Variants in INSR observed in about 807,000 individuals in gnomAD.
INSR encodes the protein IR.
In INSR, 67 loss-of-function variants were observed where a neutral mutation model predicts 142.6. The ratio of observed to expected loss-of-function variants is 0.47; its 90% confidence interval spans 0.39 to 0.58. INSR has a LOEUF of 0.58. Ranked by LOEUF, INSR falls within the 20% of genes least tolerant of loss-of-function variation. INSR has a pLI of 0.00. For synonymous variants in INSR, 756 were observed against 743.1 expected (o/e 1.02, Z -0.28); for missense variants, 1,248 against 1,833.2 (o/e 0.68, Z 5.83).
chr19:7,206,022 C>T (rs1225588030), intron 2 of INSR, among the ~76,000 whole-genome samples: 1 of 152,150 alleles, frequency 6.6e-6, no homozygotes, highest in African/African-American at 2.4e-5. Context: ...GCTTTCTGTG[C>T]CTCGGTTTCC....
intron 13 of INSR, 111 bp from the exon 14 acceptor site, chr19:7,132,428 G>A: frequency 2.4e-6 from 3 of 1,226,720 alleles, no homozygotes; most frequent in Non-Finnish European, 3.5e-6. Flanking sequence ...TGACGCCAAG[G>A]CAGCAAAGCA....
intron 1 of INSR, among the ~76,000 whole-genome samples, chr19:7,283,060 G>A (rs998347681): frequency 3.9e-5 from 6 of 152,028 alleles, no homozygotes; most frequent in African/African-American, 1.4e-4. Flanking sequence ...AGTCGTGGTA[G>A]CACACGCCTG....
rs754262409 is a variant in INSR, at chr19:7,185,841, C to CAAAAAAAAAAAAAAAA, written c.653-1220_653-1205dup. On this transcript the variant is annotated intron_variant, in intron 2 of 21. Transcript: ENST00000302850. ...CTGGGCAACAAGTGCAAAATTCTGT[C>CAAAAAAAAAAAAAAAA]AAAAAAAAAAAAAAAAAAGAGAGAG... is the stretch of plus-strand genomic sequence containing the variant. 5.8e-4 allele frequency among the ~76,000 whole-genome samples: 26 copies of CAAAAAAAAAAAAAAAA among 45,026 alleles called. 1 individual carries two copies. The highest frequency in any genetic ancestry group is 4.2e-3 in the South Asian group (3 of 712). 29.5% of individuals were successfully genotyped at this position (45,026 alleles called of 152,430 possible). A position where few individuals can be genotyped will look rare whatever the true frequency, so the allele number is the denominator to read the frequency against.
At chr19:7,244,931 CTTT>C (rs370936908) in intron 2 of INSR, among the ~76,000 whole-genome samples, 19,037 of 87,638 alleles carry the variant, frequency 0.22, 1,540 homozygotes, top group Non-Finnish European at 0.29. Flanking sequence ...TTTGTTTTTG[CTTT>C]TTTTTTTTTT....
intron 8 of INSR, among the ~76,000 whole-genome samples, chr19:7,163,618 C>CA (rs986496864): frequency 4.6e-5 from 7 of 151,304 alleles, no homozygotes; most frequent in Non-Finnish European, 8.8e-5. Flanking sequence ...AAACAAAACC[C>CA]AAAAAACCCA....
intron 2 of INSR, among the ~76,000 whole-genome samples, chr19:7,245,652 G>T (rs762694512): frequency 1.3e-5 from 2 of 152,010 alleles, no homozygotes; most frequent in Non-Finnish European, 2.9e-5. Flanking sequence ...CACTGTGTTG[G>T]CCAGGCTGGT....
chr19:7,164,092 TA>T (rs4031077), intron 8 of INSR, among the ~76,000 whole-genome samples: 4,995 of 80,076 alleles, frequency 0.062, 137 homozygotes, highest in African/African-American at 0.12. Context: ...GAAACTCCGT[TA>T]AAAAAAAAAA....
At chr19:7,217,118 C>G (rs906880563) in intron 2 of INSR, among the ~76,000 whole-genome samples, 2 of 151,598 alleles carry the variant, frequency 1.3e-5, no homozygotes, top group Non-Finnish European at 2.9e-5. Flanking sequence ...CAGGCATGAA[C>G]CATCATGGCC....
At chr19:7,198,272 G>C (rs1365244423) in intron 2 of INSR, among the ~76,000 whole-genome samples, 3 of 151,438 alleles carry the variant, frequency 2.0e-5, no homozygotes, top group Non-Finnish European at 4.4e-5. Context: ...CCGCCCCCCG[G>C]GTGCGCCGGG....
intron 2 of INSR, among the ~76,000 whole-genome samples, chr19:7,251,972 C>A (rs1198220117): frequency 2.0e-5 from 3 of 152,120 alleles, no homozygotes; most frequent in African/African-American, 7.3e-5. Context: ...CTAGGTATAA[C>A]TTCGAAAGAA....
At chr19:7,270,350 C>CACACAA (rs1363069277) in intron 1 of INSR, among the ~76,000 whole-genome samples, 16 of 143,576 alleles carry the variant, frequency 1.1e-4, no homozygotes, top group East Asian at 6.8e-4. Flanking sequence ...CACACACACA[C>CACACAA]ACACACACAC....
intron 2 of INSR, among the ~76,000 whole-genome samples, chr19:7,201,771 C>T (rs1184791139): frequency 2.8e-5 from 4 of 140,544 alleles, no homozygotes; most frequent in Non-Finnish European, 4.6e-5. Flanking sequence ...CACGCCATTC[C>T]CCTGCCTCAG....
intron 9 of INSR, among the ~76,000 whole-genome samples, 188 bp downstream of exon 9, chr19:7,162,844 A>AAAAT (rs779572925): frequency 1.3e-5 from 2 of 152,146 alleles, no homozygotes; most frequent in African/African-American, 2.4e-5. Flanking sequence ...AATAAAAAAT[A>AAAAT]AAATAAATAA....
Position 7,145,990 on chromosome 19 carries a change from C to CT in INSR, c.2268-2901dup, listed in dbSNP as rs34967188. ...TTCTATTATGAGTTTTATGAAGCCT[C>CT]TTTTTTTCCTCCCCTTTCTCTAAGT... On this transcript the variant is annotated intron_variant, in intron 11 of 21. Coordinates refer to ENST00000302850, the MANE Select transcript of INSR (RefSeq NM_000208.4). Among the ~76,000 whole-genome samples the CT allele has an allele frequency of 6.5e-3, 984 of 152,200 alleles. 7 individuals are homozygous for CT. Among genetic ancestry groups the CT allele is most frequent in the East Asian group, 0.041 (214 of 5,162 alleles).
At chr19:7,127,218 T>G (rs1003148911) in intron 15 of INSR, among the ~76,000 whole-genome samples, 1 of 152,142 alleles carries the variant, frequency 6.6e-6, no homozygotes, top group Non-Finnish European at 1.5e-5. Context: ...TTTTAAATAA[T>G]TTATGGCCAT....
At position 7,218,938 on chromosome 19, in the gene INSR, G is replaced by C. The variant is rs577693307; in HGVS notation, c.653-34301C>G. ...GGTAGAGGGAACAGCAAGTGCCGAGGCTTACAGGTGGCAGGAAGGCAGCCA... is the reference window on the plus strand; with the variant it reads ...GGTAGAGGGAACAGCAAGTGCCGAGCCTTACAGGTGGCAGGAAGGCAGCCA... On this transcript the variant is annotated intron_variant, in intron 2 of 21. Coordinates refer to ENST00000302850, the MANE Select transcript of INSR (RefSeq NM_000208.4). Among the ~76,000 whole-genome samples, 9 of 152,252 alleles carry C rather than the reference G, an allele frequency of 5.9e-5. 1 individual carries two copies. In the South Asian group the frequency reaches 1.9e-3, roughly 32 times the overall value.
intron 3 of INSR, among the ~76,000 whole-genome samples, chr19:7,178,315 G>A (rs1568466625): frequency 6.6e-6 from 1 of 151,348 alleles, no homozygotes; most frequent in Non-Finnish European, 1.5e-5. Flanking sequence ...TGATCAGAGG[G>A]TTGGGGCTTT....
At chr19:7,264,087 T>C (rs1977147629) in intron 2 of INSR, among the ~76,000 whole-genome samples, 1 of 151,264 alleles carries the variant, frequency 6.6e-6, no homozygotes, top group Admixed American at 6.6e-5. Flanking sequence ...GAGAATCGCT[T>C]GAAGCCAGGA....
chr19:7,232,715 C>A (rs1976021018), intron 2 of INSR, among the ~76,000 whole-genome samples: 1 of 151,538 alleles, frequency 6.6e-6, no homozygotes, highest in Admixed American at 6.6e-5. Flanking sequence ...GAGGCTGAGG[C>A]AGGAGAATGG....
Sources: gnomAD v4.1 joint callset for allele counts (sites outside exome capture counted in the v4.1 genomes callset) on GRCh38, gnomAD v4.1.1 for gene constraint, MANE v1.5 for transcripts, NCBI Gene and HGNC (gene_info 2026-07-23, HGNC 2026-07-21) for gene names.